The following RHOH variants were observed in gnomAD, a reference collection of about 807,000 sequenced individuals.
The protein encoded by RHOH is rho-related GTP-binding protein RhoH.
In RHOH, 6 loss-of-function variants were observed where a neutral mutation model predicts 13.8. That is an observed-to-expected ratio of 0.44 (90% CI 0.24 to 0.86). The LOEUF is 0.86. Among genes scored for constraint, RHOH ranks in the 40% least tolerant of loss-of-function variants. RHOH has a pLI of 0.24. For synonymous variants in RHOH, 117 were observed against 103.0 expected (o/e 1.14, Z -0.82); for missense variants, 147 against 244.5 (o/e 0.60, Z 2.66).
chr4:40,212,744 G>A (rs1422627967), intron 1 of RHOH: 1 of 152,204 alleles, frequency 6.6e-6, no homozygotes. Context: ...GGTAGGGAGA[G>A]GACTTTTTAT....
chr4:40,203,064 C>T (rs1241710535), intron 1 of RHOH, among the ~76,000 whole-genome samples: 1 of 152,044 alleles, frequency 6.6e-6, no homozygotes, highest in Non-Finnish European at 1.5e-5. Context: ...CTCCGCTTCC[C>T]GGGTTCACGC....
intron 1 of RHOH, among the ~76,000 whole-genome samples, chr4:40,198,347 A>G (rs1037128802): frequency 6.6e-6 from 1 of 152,238 alleles, no homozygotes; most frequent in African/African-American, 2.4e-5. Context: ...GAGACACTGG[A>G]GAAGAGAAGA....
chr4:40,234,117 T>G (rs1485405586), intron 1 of RHOH, among the ~76,000 whole-genome samples: 1 of 152,126 alleles, frequency 6.6e-6, no homozygotes, highest in Non-Finnish European at 1.5e-5. Context: ...GCCTTTTTGC[T>G]CTCTTTTTCC....
upstream of RHOH, among the ~76,000 whole-genome samples, chr4:40,194,302 C>T (rs1023643701): frequency 1.3e-5 from 2 of 152,022 alleles, no homozygotes; most frequent in African/African-American, 2.4e-5. Flanking sequence ...GATCTTGCCT[C>T]ACTACAACCT....
chr4:40,201,979 G>C (rs1290694013), intron 1 of RHOH, among the ~76,000 whole-genome samples: 3 of 140,890 alleles, frequency 2.1e-5, no homozygotes, highest in African/African-American at 8.2e-5. Flanking sequence ...TTAAGACAGG[G>C]TCTTGTTTTG....
chr4:40,195,629 A>G (rs1417101337), upstream of RHOH, among the ~76,000 whole-genome samples: 1 of 151,934 alleles, frequency 6.6e-6, no homozygotes, highest in African/African-American at 2.4e-5. Context: ...TAATTTTTGT[A>G]GAGATGGGAT....
intron 1 of RHOH, among the ~76,000 whole-genome samples, chr4:40,240,928 G>A (rs1729163034): frequency 6.6e-6 from 1 of 151,992 alleles, no homozygotes; most frequent in Admixed American, 6.6e-5. Flanking sequence ...AGGCTGAGGT[G>A]GGAGGACTGC....
Position 40,245,055 on chromosome 4 carries a change from G to A in RHOH, c.*1093G>A, listed in dbSNP as rs1315009495. 5 of 152,110 alleles carry A rather than the reference G, an allele frequency of 3.3e-5. No individual in the cohort carries two copies. Among genetic ancestry groups the A allele is most frequent in the Non-Finnish European group, 5.9e-5 (4 of 68,054 alleles). 9.4% of individuals were successfully genotyped at this position (152,110 alleles called of 1,614,324 possible). On this transcript the variant is annotated 3_prime_UTR_variant, in exon 3 of 3. Transcript: ENST00000381799. ...AAGAAAAATCAAATTCCAAGCACAG[G>A]AATAAGAAAGCTATATAGCAACTGC...
chr4:40,224,358 A>G (rs981555620), intron 1 of RHOH, among the ~76,000 whole-genome samples: 4 of 152,218 alleles, frequency 2.6e-5, no homozygotes, highest in Non-Finnish European at 4.4e-5. Flanking sequence ...AGCAATGGAA[A>G]TTCTTGCATA....
chr4:40,227,385 A>G lies in RHOH; in HGVS notation c.-330-15329A>G, dbSNP rs76291987. On this transcript the variant is annotated intron_variant, in intron 1 of 2. Coordinates refer to ENST00000381799, the MANE Select transcript of RHOH (RefSeq NM_004310.5). The stretch of plus-strand genomic sequence containing the variant: ...AATGTAGGCATAATGTGTATCTGAA[A>G]AAATCCTGTGTAGATGGAAAGTGTG... 1.2e-3 allele frequency among the ~76,000 whole-genome samples: 182 copies of G among 152,364 alleles called. 2 individuals carry two copies. Among genetic ancestry groups the G allele is most frequent in the South Asian group, 0.011 (55 of 4,830 alleles).
At chr4:40,196,839 G>C (rs1388136304), upstream of RHOH, 1 of 152,016 alleles carries the variant, frequency 6.6e-6, no homozygotes, top group Non-Finnish European at 1.5e-5. Context: ...TAGGGTGGGG[G>C]ATAAATTAAA....
At position 40,218,398 on chromosome 4, in the gene RHOH, G is replaced by C. The variant is rs925471945; in HGVS notation, c.-331+21098G>C. 1 of 152,210 alleles carries C rather than the reference G, an allele frequency of 6.6e-6. No individual in the cohort carries two copies. Among genetic ancestry groups the C allele is most frequent in the African/African-American group, 2.4e-5 (1 of 41,444 alleles). 9.4% of individuals were successfully genotyped at this position (152,210 alleles called of 1,614,324 possible). A position where few individuals can be genotyped will look rare whatever the true frequency, so the allele number is the denominator to read the frequency against. ...ACATGCCCAAATTCTGTTCTACCTT[G>C]TGTAAATCTAAGACAGGGGCTACTG... On this transcript the variant is annotated intron_variant, in intron 1 of 2. Transcript: ENST00000381799. The surrounding 1 kb of genome is among the most constrained non-coding windows in gnomAD (Gnocchi z 4.1).
At chr4:40,236,573 G>A (rs1343044125) in intron 1 of RHOH, among the ~76,000 whole-genome samples, 3 of 151,922 alleles carry the variant, frequency 2.0e-5, no homozygotes, top group East Asian at 1.9e-4. Flanking sequence ...GGTGAATCAC[G>A]AGGTCAGGAG....
chr4:40,219,337 A>G (rs951494644), intron 1 of RHOH, among the ~76,000 whole-genome samples: 46 of 150,278 alleles, frequency 3.1e-4, no homozygotes, highest in Non-Finnish European at 5.9e-4. Flanking sequence ...ACTTGAACCC[A>G]GGAGGCGGAG....
intron 1 of RHOH, among the ~76,000 whole-genome samples, chr4:40,216,411 G>A (rs1469853126): frequency 1.3e-5 from 2 of 152,074 alleles, no homozygotes; most frequent in Non-Finnish European, 1.5e-5. Flanking sequence ...AGAGGTGGCA[G>A]TAAGCCGAGA....
intron 1 of RHOH, among the ~76,000 whole-genome samples, chr4:40,207,737 C>T (rs1313566454): frequency 2.0e-5 from 3 of 152,168 alleles, no homozygotes; most frequent in African/African-American, 7.2e-5. Flanking sequence ...GAGGCCAAGG[C>T]GAACGGATTA....
At chr4:40,227,043 C>T (rs187254364) in intron 1 of RHOH, among the ~76,000 whole-genome samples, 64 of 152,176 alleles carry the variant, frequency 4.2e-4, no homozygotes, top group Middle Eastern at 3.4e-3. Flanking sequence ...CCTGTAATTC[C>T]AGCTACTCGG....
chr4:40,209,308 G>C (rs1233962465), intron 1 of RHOH, among the ~76,000 whole-genome samples: 1 of 152,066 alleles, frequency 6.6e-6, no homozygotes, highest in Non-Finnish European at 1.5e-5. Flanking sequence ...GTTTGTGAGT[G>C]GTTTCTGTTT....
chr4:40,241,217 G>C (rs1729209548), intron 1 of RHOH, among the ~76,000 whole-genome samples: 1 of 152,170 alleles, frequency 6.6e-6, no homozygotes, highest in African/African-American at 2.4e-5. Context: ...AACCTGGTGT[G>C]AGTCTGGAGA....
Sources: gnomAD v4.1 joint callset for allele counts (sites outside exome capture counted in the v4.1 genomes callset) on GRCh38, gnomAD v4.1.1 for gene constraint, Gnocchi (gnomAD v3.1) non-coding constraint, MANE v1.5 for transcripts, NCBI Gene and HGNC (gene_info 2026-07-23, HGNC 2026-07-21) for gene names.